The following SIPA1L2 variants were observed in gnomAD, a reference collection of about 807,000 sequenced individuals.
SIPA1L2 encodes signal-induced proliferation-associated 1-like protein 2.
Under a neutral mutation model 163.9 loss-of-function variants are expected in SIPA1L2, and 56 were observed. That is an observed-to-expected ratio of 0.34 (90% confidence interval 0.28 to 0.43). The LOEUF (loss-of-function observed/expected upper bound fraction) is 0.43. SIPA1L2 is among the 20% of genes least tolerant of loss of function. SIPA1L2 has a pLI of 1.00. For missense variants in SIPA1L2, 1,974 were observed against 2,193.5 expected (o/e 0.90, Z 2.00); for synonymous variants, 877 against 865.7 (o/e 1.01, Z -0.23).
chr1:232,621,413 T>C (rs1662804769), intron 1 of SIPA1L2, among the ~76,000 whole-genome samples: 1 of 152,196 alleles, frequency 6.6e-6, no homozygotes, highest in Non-Finnish European at 1.5e-5. Context: ...CCTTTCATCA[T>C]GATTTATTGA....
rs1558270699 is a variant in SIPA1L2, at chr1:232,563,955, T to TGTGTGTGTG, written c.-270+10218_-270+10219insCACACACAC. ...AACGACAAAGGTTTGTTTTTTTTTT[T>TGTGTGTGTG]CGTGTGTGTGTGTGTGTGTGTGTGT... On this transcript the variant is annotated intron_variant, in intron 2 of 22. Coordinates refer to ENST00000674635, the MANE Select transcript of SIPA1L2 (RefSeq NM_020808.5). Among the ~76,000 whole-genome samples, 60 of 116,768 alleles carry TGTGTGTGTG rather than the reference T, an allele frequency of 5.1e-4. 1 individual carries two copies. The highest frequency in any genetic ancestry group is 1.9e-3 in the African/African-American group (49 of 25,172). 76.6% of individuals were successfully genotyped at this position (116,768 alleles called of 152,430 possible).
rs76670301 is a variant in SIPA1L2 at position 232,469,177 on chromosome 1, C to T, written c.2243+2194G>A. On this transcript the variant is annotated intron_variant, in intron 8 of 22. Transcript: ENST00000674635. Reference sequence around the variant, plus strand: ...AATTGGCATTGGTACCGTGGGTCCGCGTCAGCAAGAATACGCTGCCACTCA... The same window carrying T: ...AATTGGCATTGGTACCGTGGGTCCGTGTCAGCAAGAATACGCTGCCACTCA... Among the ~76,000 whole-genome samples the T allele has an allele frequency of 2.3e-3, 352 of 152,260 alleles. 3 individuals carry two copies. The highest frequency in any genetic ancestry group is 8.1e-3 in the African/African-American group (336 of 41,554).
chr1:232,571,251 A>G (rs1253111039), intron 2 of SIPA1L2, among the ~76,000 whole-genome samples: 2 of 152,260 alleles, frequency 1.3e-5, no homozygotes, highest in East Asian at 3.8e-4. Context: ...TAAAACGATA[A>G]AACACTTTTT....
chr1:232,509,332 T>C (rs1369796963), intron 3 of SIPA1L2, among the ~76,000 whole-genome samples: 2 of 152,218 alleles, frequency 1.3e-5, no homozygotes, highest in South Asian at 2.1e-4. Context: ...CTTTAAACAT[T>C]TGCCATGATT....
intron 22 of SIPA1L2, among the ~76,000 whole-genome samples, chr1:232,399,603 C>A (rs1333301855): frequency 6.6e-6 from 1 of 151,970 alleles, no homozygotes; most frequent in African/African-American, 2.4e-5. Flanking sequence ...AAGGTAATAC[C>A]CTTTTGACAA....
chr1:232,557,284 C>G (rs936443619), intron 2 of SIPA1L2, among the ~76,000 whole-genome samples: 1 of 152,148 alleles, frequency 6.6e-6, no homozygotes, highest in Non-Finnish European at 1.5e-5. Flanking sequence ...CTAAGGCACC[C>G]CATAATGTGG....
intron 10 of SIPA1L2, among the ~76,000 whole-genome samples, chr1:232,452,303 G>C (rs1663628253): frequency 6.6e-6 from 1 of 152,088 alleles, no homozygotes; most frequent in South Asian, 2.1e-4. Flanking sequence ...TCCTGAACAT[G>C]ATCAGCAAAG....
At position 232,529,188 on chromosome 1, in the gene SIPA1L2, A is replaced by T. The variant is rs141270664; in HGVS notation, c.-269-13580T>A. Among the ~76,000 whole-genome samples the T allele has an allele frequency of 3.7e-4, 57 of 152,270 alleles. 3 individuals carry two copies. The East Asian group carries it at 0.011, about 29-fold the overall frequency. On this transcript the variant is annotated intron_variant, in intron 2 of 22. Transcript: ENST00000674635. ...TCTCAGTTGGGCTGAAAATATCTAC[A>T]TGATCACCCTGTATGCCCTCCACCT...
In SIPA1L2 at chr1:232,574,206, C is replaced by T. The variant is rs1007959997; in HGVS notation, c.-302G>A. ...GGGAAGAGCAGCGGGCTCCTGCTCA[C>T]ACAGCCTGGCAAGAACCTACAAATG... On this transcript the variant is annotated 5_prime_UTR_variant, in exon 2 of 23. It adds an upstream start codon to the 5' untranslated region. Coordinates refer to ENST00000674635, the MANE Select transcript of SIPA1L2 (RefSeq NM_020808.5). Among the ~76,000 whole-genome samples the T allele has an allele frequency of 6.6e-6, 1 of 152,210 alleles. No individual in the cohort carries two copies. Among genetic ancestry groups the T allele is most frequent in the African/African-American group, 2.4e-5 (1 of 41,460 alleles).
intron 2 of SIPA1L2, among the ~76,000 whole-genome samples, chr1:232,526,180 A>G (rs562045151): frequency 5.6e-4 from 86 of 152,332 alleles, no homozygotes; most frequent in Admixed American, 1.4e-3. Context: ...AACGCCAGTT[A>G]AAGTGGACTG....
At chr1:232,600,667 G>C (rs1316191844) in intron 1 of SIPA1L2, among the ~76,000 whole-genome samples, 1 of 152,258 alleles carries the variant, frequency 6.6e-6, no homozygotes, top group South Asian at 2.1e-4. Context: ...GGTTTACTGT[G>C]ATCTAGCTGG....
chr1:232,592,129 A>C (rs1267605202), intron 1 of SIPA1L2, among the ~76,000 whole-genome samples: 2 of 146,126 alleles, frequency 1.4e-5, no homozygotes, highest in Non-Finnish European at 3.0e-5. Context: ...ACTACCAGAG[A>C]AAAGAGAGGA....
At position 232,426,365 on chromosome 1, in the gene SIPA1L2, A is replaced by G. The variant is rs138874812; in HGVS notation, c.4411-557T>C. ...CCAATAAAGTCTTACTGTCCACTTA[A>G]AAGTGTCACTTGTGGCCGGGCACAG... On this transcript the variant is annotated intron_variant, in intron 17 of 22. Coordinates refer to ENST00000674635, the MANE Select transcript of SIPA1L2 (RefSeq NM_020808.5). Among the ~76,000 whole-genome samples, 510 of 152,320 alleles carry G rather than the reference A, an allele frequency of 3.3e-3. 6 individuals carry two copies. Among genetic ancestry groups the G allele is most frequent in the African/African-American group, 0.012 (482 of 41,568 alleles).
At position 232,415,519 on chromosome 1, in the gene SIPA1L2, G is replaced by C. The variant is rs202017607; in HGVS notation, c.4737C>G (p.Leu1579=). 4.3e-4 allele frequency: 687 copies of C among 1,612,410 alleles called. 1 individual carries two copies. The highest frequency in any genetic ancestry group is 5.4e-4 in the Non-Finnish European group (636 of 1,179,356). ...DTATGLDWTH[L]VDAARAFEGL... ...CTTCAAATGCCCGTGCAGCATCCAC[G>C]AGGTGGGTCCAATCTAACCCTGTGG... The change falls in exon 19 of 23, where the codon CTC becomes CTG. Residue 1579 remains leucine (L), a synonymous_variant. Transcript: ENST00000674635.
In SIPA1L2 at chr1:232,439,236, G is replaced by A. The variant is rs776604841; in HGVS notation, c.3903C>T (p.Ala1301=). ...HSRAEQWADA[A]DVSGPDDEPA... ...GCTCGTCGTCAGGCCCAGAGACGTC[G>A]GCAGCATCAGCCCACTGCTCGGCCC... Residue 1301 remains alanine, a synonymous_variant, in exon 15 of 23, where the codon GCC becomes GCT. Transcript: ENST00000674635. The A allele has an allele frequency of 1.2e-5, 19 of 1,613,862 alleles. No homozygotes were observed. The highest frequency in any genetic ancestry group is 3.3e-5 in the Admixed American group (2 of 60,004).
chr1:232,527,731 T>C (rs1364625007), intron 2 of SIPA1L2, among the ~76,000 whole-genome samples: 2 of 132,036 alleles, frequency 1.5e-5, no homozygotes, highest in African/African-American at 5.7e-5. Context: ...TCTTCTTTTT[T>C]TTTTTTTTTT....
intron 2 of SIPA1L2, among the ~76,000 whole-genome samples, chr1:232,532,802 C>A (rs938969876): frequency 1.3e-5 from 2 of 152,082 alleles, no homozygotes; most frequent in African/African-American, 4.8e-5. Context: ...AAAACAAAAC[C>A]CAGATTTCAT....
chr1:232,485,315 C>T (rs955758920), intron 5 of SIPA1L2, among the ~76,000 whole-genome samples: 1 of 152,166 alleles, frequency 6.6e-6, no homozygotes, highest in Admixed American at 6.5e-5. Flanking sequence ...AACTGCATAG[C>T]GAGAAAAATG....
chr1:232,463,145 G>A (rs1664327515), intron 9 of SIPA1L2, among the ~76,000 whole-genome samples: 1 of 152,242 alleles, frequency 6.6e-6, no homozygotes, highest in Non-Finnish European at 1.5e-5. Flanking sequence ...TCTTCTGAGA[G>A]CGGGTCCCTG....
Sources: allele counts gnomAD v4.1 joint callset (sites outside exome capture counted in the v4.1 genomes callset), GRCh38; gene constraint gnomAD v4.1.1; transcripts MANE v1.5; gene names NCBI Gene and HGNC (gene_info 2026-07-23, HGNC 2026-07-21).